Variants in CDH12 observed in about 807,000 individuals in gnomAD.
CDH12 encodes the protein cadherin-12.
CDH12 carries 41 observed loss-of-function variants against 74.1 expected under a neutral mutation model. The ratio of observed to expected loss-of-function variants is 0.55; its 90% CI spans 0.43 to 0.72. CDH12 has a LOEUF of 0.72. CDH12 is among the 30% of genes least tolerant of loss of function. The pLI is 0.00. For missense variants in CDH12, 945 were observed against 977.2 expected (o/e 0.97, Z 0.44); for synonymous variants, 399 against 355.0 (o/e 1.12, Z -1.39).
intron 1 of CDH12, among the ~76,000 whole-genome samples, chr5:22,595,952 A>T (rs937704853): frequency 1.7e-4 from 25 of 150,786 alleles, no homozygotes; most frequent in Middle Eastern, 3.4e-3. Context: ...AAAAAAAATT[A>T]AAAAAATTAG....
chr5:22,017,153 A>G (rs768264809), intron 5 of CDH12, among the ~76,000 whole-genome samples: 24 of 150,664 alleles, frequency 1.6e-4, no homozygotes, highest in Non-Finnish European at 3.3e-4. Flanking sequence ...TCTCCCTCTC[A>G]CCTCTCTTTC....
intron 6 of CDH12, among the ~76,000 whole-genome samples, chr5:21,903,308 G>C (rs1318173762): frequency 1.3e-5 from 2 of 152,082 alleles, no homozygotes; most frequent in Non-Finnish European, 2.9e-5. Context: ...GAGAAACAAG[G>C]TTGGTGATAC....
At position 22,112,645 on chromosome 5, in the gene CDH12, A is replaced by G. The variant is rs146514538; in HGVS notation, c.-186-33783T>C. Reference sequence around the variant, plus strand: ...ATTTAAAAACTCTAACACTAAGATAATATCGATCTCCAAGCTCAGCAAAGC... The same window carrying G: ...ATTTAAAAACTCTAACACTAAGATAGTATCGATCTCCAAGCTCAGCAAAGC... On this transcript the variant is annotated intron_variant, in intron 4 of 14. Coordinates refer to ENST00000382254, the MANE Select transcript of CDH12 (RefSeq NM_004061.5). Among the ~76,000 whole-genome samples the G allele has an allele frequency of 3.7e-3, 563 of 152,248 alleles. 11 individuals carry two copies. Among genetic ancestry groups the G allele is most frequent in the African/African-American group, 0.013 (531 of 41,552 alleles).
At chr5:22,029,181 C>T (rs915525765) in intron 5 of CDH12, among the ~76,000 whole-genome samples, 5 of 152,116 alleles carry the variant, frequency 3.3e-5, no homozygotes, top group African/African-American at 1.2e-4. Context: ...CTAGGCATTA[C>T]CATTCAGGAC....
intron 3 of CDH12, among the ~76,000 whole-genome samples, chr5:22,217,087 T>C (rs1751832401): frequency 2.0e-5 from 3 of 151,848 alleles, no homozygotes; most frequent in African/African-American, 7.2e-5. Context: ...ACTTATTTTA[T>C]ACTATAAATA....
chr5:22,456,134 T>TATAA (rs1561417753), intron 2 of CDH12, among the ~76,000 whole-genome samples: 2 of 131,926 alleles, frequency 1.5e-5, no homozygotes, highest in African/African-American at 5.7e-5. Context: ...TATATATATA[T>TATAA]AAAACGATCT....
At chr5:22,744,771 T>C (rs1745209290) in intron 1 of CDH12, among the ~76,000 whole-genome samples, 2 of 152,050 alleles carry the variant, frequency 1.3e-5, no homozygotes, top group Admixed American at 6.6e-5. Context: ...AAAAAATTGT[T>C]AATGTGGTGA....
intron 5 of CDH12, among the ~76,000 whole-genome samples, chr5:22,075,546 C>A (rs1197912614): frequency 2.0e-5 from 3 of 151,852 alleles, no homozygotes; most frequent in African/African-American, 7.3e-5. Context: ...ATGACATTTT[C>A]TTTTCTCTAG....
At chr5:22,565,645 T>A (rs1739249089) in intron 1 of CDH12, among the ~76,000 whole-genome samples, 1 of 152,058 alleles carries the variant, frequency 6.6e-6, no homozygotes. Flanking sequence ...TGCAAAATCC[T>A]CTTGGGGGTA....
intron 2 of CDH12, among the ~76,000 whole-genome samples, chr5:22,427,983 C>T (rs1175139958): frequency 1.3e-5 from 2 of 152,102 alleles, no homozygotes; most frequent in East Asian, 1.9e-4. Context: ...AAGAAGAACA[C>T]ATATCGAGGG....
At chr5:22,400,145 A>G (rs1742656378) in intron 3 of CDH12, among the ~76,000 whole-genome samples, 2 of 152,232 alleles carry the variant, frequency 1.3e-5, no homozygotes, top group South Asian at 2.1e-4. Flanking sequence ...TTGCATTCTT[A>G]GTGAATCACT....
chr5:21,763,978 T>G (rs1744864011), intron 12 of CDH12, among the ~76,000 whole-genome samples: 1 of 152,184 alleles, frequency 6.6e-6, no homozygotes, highest in Non-Finnish European at 1.5e-5. Context: ...AAAGATTTGT[T>G]GTGCAACTAA....
rs753377228 is a variant in CDH12 at position 21,848,751 on chromosome 5, AT to A, written c.646+5919del. Among the ~76,000 whole-genome samples, 52 of 152,024 alleles carry A rather than the reference AT, an allele frequency of 3.4e-4. 1 individual carries two copies. Among genetic ancestry groups the A allele is most frequent in the Non-Finnish European group, 6.2e-4 (42 of 67,904 alleles). On this transcript the variant is annotated intron_variant, in intron 7 of 14. Coordinates refer to ENST00000382254, the MANE Select transcript of CDH12 (RefSeq NM_004061.5). The stretch of plus-strand genomic sequence containing the variant: ...ATGTCTTAACTCTCCTATAGGACTT[AT>A]GAGCCACTTCCTCCAGGAGTTCTTT...
chr5:21,964,705 G>T (rs1756506595), intron 6 of CDH12, among the ~76,000 whole-genome samples: 1 of 151,926 alleles, frequency 6.6e-6, no homozygotes, highest in African/African-American at 2.4e-5. Context: ...ATTAGTTATG[G>T]TTCAAGTAAT....
intron 4 of CDH12, among the ~76,000 whole-genome samples, chr5:22,087,078 G>A (rs1465589467): frequency 6.6e-6 from 1 of 152,076 alleles, no homozygotes; most frequent in Non-Finnish European, 1.5e-5. Flanking sequence ...AAGCCAAGAG[G>A]AGCTTAAGCA....
intron 8 of CDH12, among the ~76,000 whole-genome samples, chr5:21,837,072 A>T (rs7715019): frequency 0.42 from 64,110 of 151,690 alleles, 16,414 homozygotes; most frequent in African/African-American, 0.72. Flanking sequence ...CTATTCAACC[A>T]TTCTTAATAA....
At chr5:22,404,351 C>G (rs1286403630) in intron 3 of CDH12, among the ~76,000 whole-genome samples, 2 of 152,030 alleles carry the variant, frequency 1.3e-5, no homozygotes, top group Non-Finnish European at 2.9e-5. Context: ...TATACAGTCT[C>G]TATACATTTG....
At chr5:22,056,870 C>T (rs1207024719) in intron 5 of CDH12, among the ~76,000 whole-genome samples, 1 of 152,070 alleles carries the variant, frequency 6.6e-6, no homozygotes, top group Non-Finnish European at 1.5e-5. Flanking sequence ...TATTCCAAGC[C>T]GGAAAAGAGC....
chr5:22,199,659 T>TTA (rs1441946929), intron 4 of CDH12, among the ~76,000 whole-genome samples: 5 of 152,184 alleles, frequency 3.3e-5, no homozygotes, highest in Non-Finnish European at 7.4e-5. Context: ...TTCCTGATGT[T>TTA]TAATTATACT....
Sources: allele counts gnomAD v4.1 joint callset (sites outside exome capture counted in the v4.1 genomes callset), GRCh38; gene constraint gnomAD v4.1.1; transcripts MANE v1.5; gene names NCBI Gene and HGNC (gene_info 2026-07-23, HGNC 2026-07-21).